FGD4: variants seen among roughly 807,000 people sequenced by gnomAD.
FGD4 encodes the protein FYVE, RhoGEF and PH domain containing 4.
FGD4 carries 42 observed loss-of-function variants against 102.0 expected under a neutral mutation model. That is an observed-to-expected ratio of 0.41 (90% CI 0.32 to 0.53). The LOEUF (loss-of-function observed/expected upper bound fraction) is 0.53, where lower values mean the gene tolerates loss of function less well. Ranked by LOEUF, FGD4 falls within the 20% of genes least tolerant of loss-of-function variation. The pLI is 0.21. For missense variants in FGD4, 902 were observed against 1,078.2 expected (o/e 0.84, Z 2.29); for synonymous variants, 380 against 375.7 (o/e 1.01, Z -0.13).
At chr12:32,503,310 T>C (rs573644223) in intron 1 of FGD4, among the ~76,000 whole-genome samples, 5 of 152,358 alleles carry the variant, frequency 3.3e-5, no homozygotes, top group Admixed American at 3.3e-4. Flanking sequence ...AAGGAAAGCC[T>C]TGGCTCATGC....
Position 32,576,335 on chromosome 12 carries a change from C to CT in FGD4, c.392dup (p.Leu131PhefsTer3). 1.2e-6 allele frequency: 2 copies of CT among 1,614,080 alleles called. No homozygotes were observed. Among genetic ancestry groups the CT allele is most frequent in the South Asian group, 2.2e-5 (2 of 91,078 alleles). On this transcript the variant is annotated frameshift_variant, in exon 3 of 17. Transcript: ENST00000534526. LOFTEE classifies it high-confidence loss of function. Reference sequence around the variant, plus strand: ...ATACACCAAACCCCCAGGCATAAAGCTTTACCTAGTGCAAAACCAAGGATG... The same window carrying CT: ...ATACACCAAACCCCCAGGCATAAAGCTTTTACCTAGTGCAAAACCAAGGATG...
chr12:32,426,957 T>C (rs1391653954), intron 1 of FGD4, among the ~76,000 whole-genome samples: 1 of 151,492 alleles, frequency 6.6e-6, no homozygotes, highest in African/African-American at 2.4e-5. Flanking sequence ...TTCTTTCTTT[T>C]CTTCTTTCTT....
intron 1 of FGD4, among the ~76,000 whole-genome samples, chr12:32,542,554 G>A (rs1418667571): frequency 6.6e-6 from 1 of 152,142 alleles, no homozygotes; most frequent in Non-Finnish European, 1.5e-5. Context: ...AATTTGTTGT[G>A]AATAAATGGA....
At chr12:32,534,563 C>T in intron 1 of FGD4, 1 of 989,752 alleles carries the variant, frequency 1.0e-6, no homozygotes, top group East Asian at 2.9e-5. Context: ...CTTTATAACA[C>T]TGCATGCCGA....
chr12:32,601,513 T>C, intron 6 of FGD4, 90 bp downstream of exon 6: 3 of 1,443,010 alleles, frequency 2.1e-6, no homozygotes, highest in Non-Finnish European at 2.8e-6. Context: ...CACACACAAC[T>C]GTAACTAGAC....
intron 1 of FGD4, among the ~76,000 whole-genome samples, chr12:32,456,055 ATTACTG>A (rs1942941888): frequency 1.3e-5 from 2 of 152,200 alleles, no homozygotes; most frequent in African/African-American, 4.8e-5. Flanking sequence ...CCCTGCAAGC[ATTACTG>A]TCATTAACAG....
rs2082190695 is a variant in FGD4 at position 32,602,303 on chromosome 12, G to C, written c.1390G>C (p.Val464Leu). 1.2e-6 allele frequency: 2 copies of C among 1,613,958 alleles called. No homozygotes were observed. Among genetic ancestry groups the C allele is most frequent in the Non-Finnish European group, 8.5e-7 (1 of 1,180,008 alleles). The change falls in exon 7 of 17, where the codon GTT (valine) becomes CTT (leucine). Residue 464 changes from valine (V) to leucine (L), a missense_variant. Val to Leu is a conservative substitution (Grantham distance 32). Around this residue, in one of 2 missense-constraint regions of FGD4, gnomAD observed 459 missense variants for 619.0 expected, o/e 0.74. Coordinates refer to ENST00000534526, the MANE Select transcript of FGD4 (RefSeq NM_001370298.3). The part of the protein sequence containing the change: ...TERIPQFKSV[V>L]EEIQKQKICG... ...ACGTATTCCCCAGTTCAAATCAGTG[G>C]TTGAAGAAATTCAGGTAATAGGACT...
chr12:32,486,164 G>C (rs780054143), intron 1 of FGD4: 1 of 1,521,390 alleles, frequency 6.6e-7, no homozygotes, highest in Non-Finnish European at 8.8e-7. Flanking sequence ...TTTTGCAATT[G>C]CCATTTCTGA....
At position 32,584,204 on chromosome 12, in the gene FGD4, C is replaced by T. The variant is rs551365177; in HGVS notation, c.1011+1737C>T. 2.0e-5 allele frequency among the ~76,000 whole-genome samples: 3 copies of T among 152,310 alleles called. No homozygotes were observed. The South Asian group carries it at 6.2e-4, about 32-fold the overall frequency. On this transcript the variant is annotated intron_variant, in intron 4 of 16. Transcript: ENST00000534526. ...GGGAAGAAAAAGCAAATTTTCTCTG[C>T]AGAGCGGTTGATGCGAACACCACAT...
At chr12:32,480,667 A>AT (rs755836806) in intron 1 of FGD4, among the ~76,000 whole-genome samples, 5 of 143,306 alleles carry the variant, frequency 3.5e-5, no homozygotes, top group South Asian at 2.2e-4. Flanking sequence ...TGGCCAGCTA[A>AT]TTTTTGTATT....
At chr12:32,412,385 C>A (rs541252864) in intron 1 of FGD4, among the ~76,000 whole-genome samples, 6 of 152,220 alleles carry the variant, frequency 3.9e-5, no homozygotes, top group Middle Eastern at 3.4e-3. Flanking sequence ...ATTCCTAATA[C>A]CTGTTGATTT....
At chr12:32,567,605 T>G (rs1945297111) in intron 2 of FGD4, among the ~76,000 whole-genome samples, 1 of 152,044 alleles carries the variant, frequency 6.6e-6, no homozygotes, top group African/African-American at 2.4e-5. Context: ...AACTCTCACC[T>G]AGATAAAAAT....
intron 1 of FGD4, among the ~76,000 whole-genome samples, chr12:32,454,432 T>C (rs1334029555): frequency 6.6e-6 from 1 of 152,334 alleles, no homozygotes; most frequent in East Asian, 1.9e-4. Flanking sequence ...CATTTTCCTA[T>C]AGTTGAGGAT....
At chr12:32,416,406 GTCTTC>G (rs769564475) in intron 1 of FGD4, among the ~76,000 whole-genome samples, 5 of 152,036 alleles carry the variant, frequency 3.3e-5, no homozygotes, top group Non-Finnish European at 7.4e-5. Context: ...TTGTTTTTTG[GTCTTC>G]TCTTCTTTCT....
intron 1 of FGD4, among the ~76,000 whole-genome samples, chr12:32,503,353 G>C (rs1938399275): frequency 6.6e-6 from 1 of 152,156 alleles, no homozygotes; most frequent in African/African-American, 2.4e-5. Context: ...CTGTGCTGCT[G>C]TCATCTTGGA....
chr12:32,410,520 A>G (rs903891303), intron 1 of FGD4, among the ~76,000 whole-genome samples: 14 of 152,102 alleles, frequency 9.2e-5, no homozygotes, highest in Admixed American at 3.9e-4. Flanking sequence ...CATCATTTGC[A>G]GGGCATTGTC....
At chr12:32,640,207 T>C in intron 16 of FGD4, 69 bp from the exon 17 acceptor site, 2 of 1,611,812 alleles carry the variant, frequency 1.2e-6, no homozygotes, top group Non-Finnish European at 1.7e-6. Context: ...AGAGGTTTAG[T>C]AGGAGCAAGG....
chr12:32,508,295 A>G (rs1938996671), intron 1 of FGD4, among the ~76,000 whole-genome samples: 2 of 152,200 alleles, frequency 1.3e-5, no homozygotes, highest in South Asian at 4.1e-4. Context: ...AGAATGAGGA[A>G]TGTTTGAATA....
At position 32,454,639 on chromosome 12, in the gene FGD4, GA is replaced by G. The variant is rs1269209235; in HGVS notation, c.166+54681del. Among the ~76,000 whole-genome samples, 3 of 152,222 alleles carry G rather than the reference GA, an allele frequency of 2.0e-5. No individual in the cohort carries two copies. The East Asian group carries it at 5.8e-4, about 29-fold the overall frequency. On this transcript the variant is annotated intron_variant, in intron 1 of 16. Transcript: ENST00000534526. Reference sequence around the variant, plus strand: ...AGCTGCTGATTCCTTCATACTAAATGATTGTTTTAAGTAAGTTTTGATTCCT... The same window carrying G: ...AGCTGCTGATTCCTTCATACTAAATGTTGTTTTAAGTAAGTTTTGATTCCT...
Sources: gnomAD v4.1 joint callset for allele counts (sites outside exome capture counted in the v4.1 genomes callset) on GRCh38, gnomAD v4.1.1 for gene constraint, gnomAD v4.1.1 regional missense constraint, MANE v1.5 for transcripts, NCBI Gene and HGNC (gene_info 2026-07-23, HGNC 2026-07-21) for gene names.